The following TMCO6 variants were observed in gnomAD, a reference collection of about 807,000 sequenced individuals.
TMCO6 encodes transmembrane and coiled-coil domains 6.
TMCO6 carries 47 observed loss-of-function variants against 61.8 expected under a neutral mutation model. The ratio of observed to expected loss-of-function variants is 0.76; its 90% confidence interval spans 0.60 to 0.97. The LOEUF (loss-of-function observed/expected upper bound fraction) is 0.97, where lower values mean the gene tolerates loss of function less well. Among genes scored for constraint, TMCO6 ranks in the 50% least tolerant of loss-of-function variants. TMCO6 has a pLI of 0.00. For missense variants in TMCO6, 557 were observed against 601.6 expected, an observed-to-expected ratio of 0.93 and a Z score of 0.78; for synonymous variants, 261 against 254.2, an observed-to-expected ratio of 1.03 and a Z score of -0.25.
chr5:140,636,455 C>A (rs944137916), upstream of TMCO6, among the ~76,000 whole-genome samples: 11 of 142,180 alleles, frequency 7.7e-5, no homozygotes, highest in Admixed American at 3.5e-4. Flanking sequence ...GGCAACCGAG[C>A]AAGACCCTGG....
the TMCO6 span, among the ~76,000 whole-genome samples, chr5:140,600,183 A>C: frequency 1.3e-5 from 2 of 152,174 alleles, no homozygotes; most frequent in Non-Finnish European, 1.5e-5. Flanking sequence ...TTTCAGTTAT[A>C]GTGGAAGTTT....
At chr5:140,638,810 GC>G (rs942427919), upstream of TMCO6, 2 of 152,214 alleles carry the variant, frequency 1.3e-5, no homozygotes, top group African/African-American at 4.8e-5. Flanking sequence ...ACCCGCCCAG[GC>G]CTCCCAAAGT....
At chr5:140,636,907 G>A (rs145038363), upstream of TMCO6, among the ~76,000 whole-genome samples, 4 of 152,180 alleles carry the variant, frequency 2.6e-5, no homozygotes, top group African/African-American at 7.2e-5. Flanking sequence ...AGGTGCCACC[G>A]GGACCCTAAT....
At chr5:140,617,152 G>A in the TMCO6 span, among the ~76,000 whole-genome samples, 6 of 152,140 alleles carry the variant, frequency 3.9e-5, no homozygotes, top group African/African-American at 9.7e-5. Context: ...TTGGCTGGGT[G>A]CAGTGGCTAA....
intron 10 of TMCO6, 71 bp downstream of exon 10, chr5:140,644,265 A>G (rs1295943145): frequency 5.3e-6 from 8 of 1,512,106 alleles, no homozygotes; most frequent in Non-Finnish European, 7.4e-6. Flanking sequence ...CTGAGCCCTC[A>G]GATGTACCCT....
chr5:140,639,492 T>G lies in TMCO6; in HGVS notation c.-36T>G. On this transcript the variant is annotated 5_prime_UTR_variant, in exon 1 of 12. Coordinates refer to ENST00000394671, the MANE Select transcript of TMCO6 (RefSeq NM_018502.5). ...TCTACGCCCCTGGGAGCGTTGTGGC[T>G]GCTGTTTCCTTCGGCTTTCCTCCTC... The G allele has an allele frequency of 6.5e-7, 1 of 1,543,642 alleles. No homozygotes were observed. Among genetic ancestry groups the G allele is most frequent in the Non-Finnish European group, 8.8e-7 (1 of 1,141,556 alleles).
the TMCO6 span, chr5:140,631,723 A>G: frequency 2.4e-6 from 2 of 839,892 alleles, no homozygotes; most frequent in East Asian, 2.5e-5. Flanking sequence ...TAAATGAATG[A>G]CACGGACCCG....
chr5:140,617,449 G>C, the TMCO6 span, among the ~76,000 whole-genome samples: 1 of 152,172 alleles, frequency 6.6e-6, no homozygotes, highest in Admixed American at 6.5e-5. Flanking sequence ...AGCTATTAGG[G>C]AAGCTGAGGC....
At chr5:140,617,995 C>CT in the TMCO6 span, among the ~76,000 whole-genome samples, 4 of 152,112 alleles carry the variant, frequency 2.6e-5, no homozygotes, top group African/African-American at 7.2e-5. Flanking sequence ...AGTTGGAGGA[C>CT]TGACACTACC....
chr5:140,635,662 C>A (rs1268750003), upstream of TMCO6, among the ~76,000 whole-genome samples: 1 of 152,140 alleles, frequency 6.6e-6, no homozygotes, highest in Non-Finnish European at 1.5e-5. Flanking sequence ...AAGACAAGTC[C>A]CTGAAGTGCT....
downstream of TMCO6, chr5:140,647,725 A>T: frequency 7.6e-7 from 1 of 1,323,546 alleles, no homozygotes; most frequent in Non-Finnish European, 1.1e-6. Flanking sequence ...AAAGTATTGT[A>T]GGACCGCTGC....
At chr5:140,633,020 C>T in the TMCO6 span, 19 of 1,614,032 alleles carry the variant, frequency 1.2e-5, no homozygotes, top group South Asian at 1.8e-4. Flanking sequence ...CCATCCAACC[C>T]CTGTGGCTCC....
the TMCO6 span, chr5:140,609,098 A>G: frequency 6.6e-6 from 1 of 152,436 alleles, no homozygotes; most frequent in African/African-American, 2.4e-5. Flanking sequence ...GCTCTGTGCC[A>G]CCCCATGACT....
chr5:140,612,070 A>G, the TMCO6 span, among the ~76,000 whole-genome samples: 2 of 152,210 alleles, frequency 1.3e-5, no homozygotes, highest in Non-Finnish European at 2.9e-5. Context: ...CACTAATGTC[A>G]TTTTGATTCC....
chr5:140,634,487 T>A (rs867334863), upstream of TMCO6, among the ~76,000 whole-genome samples: 381 of 147,744 alleles, frequency 2.6e-3, 3 homozygotes, highest in Middle Eastern at 0.014. Context: ...AAAGTCTTTT[T>A]TTTTTTTTTT....
At chr5:140,617,414 T>C in the TMCO6 span, among the ~76,000 whole-genome samples, 1 of 152,042 alleles carries the variant, frequency 6.6e-6, no homozygotes, top group African/African-American at 2.4e-5. Context: ...ATTAGCCAAG[T>C]GTGGTAGTGC....
At chr5:140,626,090 G>A in the TMCO6 span, among the ~76,000 whole-genome samples, 1 of 152,034 alleles carries the variant, frequency 6.6e-6, no homozygotes, top group African/African-American at 2.4e-5. Flanking sequence ...TCATGGCTAC[G>A]GTTTCCACAG....
upstream of TMCO6, among the ~76,000 whole-genome samples, chr5:140,634,708 C>T (rs1324540181): frequency 6.6e-6 from 1 of 152,054 alleles, no homozygotes; most frequent in Non-Finnish European, 1.5e-5. Flanking sequence ...CACTCCTGAC[C>T]TCAGGTGATC....
the TMCO6 span, among the ~76,000 whole-genome samples, chr5:140,625,584 C>T: frequency 2.0e-5 from 3 of 152,180 alleles, no homozygotes; most frequent in Non-Finnish European, 2.9e-5. Flanking sequence ...ACTGTTTTGG[C>T]TCAGCTCTAT....
Sources: allele counts gnomAD v4.1 joint callset (sites outside exome capture counted in the v4.1 genomes callset), GRCh38; gene constraint gnomAD v4.1.1; transcripts MANE v1.5; gene names NCBI Gene and HGNC (gene_info 2026-07-23, HGNC 2026-07-21).